Variants in DPP10 observed in about 807,000 individuals in gnomAD.
DPP10 encodes the protein dipeptidyl peptidase like 10.
A neutral mutation model predicts 120.9 loss-of-function variants in DPP10; 33 were observed. The ratio of observed to expected loss-of-function variants is 0.27; its 90% CI spans 0.21 to 0.37. DPP10 has a LOEUF of 0.37. Ranked by LOEUF, DPP10 falls within the 10% of genes least tolerant of loss-of-function variation. DPP10 has a pLI of 1.00. For synonymous variants in DPP10, 337 were observed against 326.1 expected, an observed-to-expected ratio of 1.03 and a Z score of -0.36; for missense variants, 816 against 942.8, an observed-to-expected ratio of 0.87 and a Z score of 1.76.
chr2:115,401,997 T>C (rs1489968464), intron 3 of DPP10, among the ~76,000 whole-genome samples: 1 of 152,156 alleles, frequency 6.6e-6, no homozygotes, highest in Non-Finnish European at 1.5e-5. Flanking sequence ...TCACTCTCCC[T>C]ATAGAAATCC....
intron 1 of DPP10, among the ~76,000 whole-genome samples, chr2:114,712,855 A>G (rs1451984695): frequency 1.3e-5 from 2 of 152,172 alleles, no homozygotes; most frequent in East Asian, 1.9e-4. Context: ...TTCAAATTTA[A>G]CATGCCATTT....
Position 115,724,601 on chromosome 2 carries a change from G to A in DPP10, c.577-3215G>A, listed in dbSNP as rs76861380. Among the ~76,000 whole-genome samples the A allele has an allele frequency of 1.8e-4, 27 of 152,266 alleles. 2 individuals carry two copies. In the East Asian group the frequency reaches 5.2e-3, roughly 29 times the overall value. ...TAAGACCATTGATTTTGAAAAACTG[G>A]AAGTTGACTGGCTCTGCAAATTGAA... On this transcript the variant is annotated intron_variant, in intron 7 of 25. Transcript: ENST00000410059.
chr2:114,667,717 A>G (rs955218483), intron 1 of DPP10, among the ~76,000 whole-genome samples: 1 of 152,184 alleles, frequency 6.6e-6, no homozygotes, highest in African/African-American at 2.4e-5. Context: ...ATAAGACTTC[A>G]GAAAAGAAGA....
intron 1 of DPP10, among the ~76,000 whole-genome samples, chr2:114,932,463 C>T (rs991487968): frequency 2.0e-5 from 3 of 152,016 alleles, no homozygotes; most frequent in African/African-American, 7.3e-5. Context: ...CATGGCACAA[C>T]CCTAAAAAGA....
At chr2:114,956,792 T>C (rs1698236583) in intron 1 of DPP10, among the ~76,000 whole-genome samples, 1 of 152,058 alleles carries the variant, frequency 6.6e-6, no homozygotes, top group African/African-American at 2.4e-5. Flanking sequence ...AATTAACCTG[T>C]GCATTTATGG....
At chr2:114,934,623 C>T (rs112420497) in intron 1 of DPP10, among the ~76,000 whole-genome samples, 103 of 150,158 alleles carry the variant, frequency 6.9e-4, no homozygotes, top group African/African-American at 2.4e-3. Flanking sequence ...ACTCTGTGTG[C>T]GTGTGTGTGT....
At chr2:115,099,301 A>G (rs10183796) in intron 1 of DPP10, among the ~76,000 whole-genome samples, 108,296 of 151,942 alleles carry the variant, frequency 0.71, 39,020 homozygotes, top group East Asian at 0.98. Flanking sequence ...GCGACAGAAC[A>G]AGACTCCATC....
At chr2:114,623,500 A>T (rs1694257495) in intron 1 of DPP10, among the ~76,000 whole-genome samples, 1 of 152,134 alleles carries the variant, frequency 6.6e-6, no homozygotes, top group Non-Finnish European at 1.5e-5. Flanking sequence ...TTGCAATTTG[A>T]GGGATTTTTA....
intron 1 of DPP10, among the ~76,000 whole-genome samples, chr2:114,684,194 C>G (rs1168576833): frequency 6.6e-6 from 1 of 151,884 alleles, no homozygotes; most frequent in Non-Finnish European, 1.5e-5. Flanking sequence ...CTGAGCCAGG[C>G]CCTGTGGGAA....
intron 1 of DPP10, among the ~76,000 whole-genome samples, chr2:114,861,511 G>A (rs928575116): frequency 1.3e-5 from 2 of 152,146 alleles, no homozygotes; most frequent in African/African-American, 4.8e-5. Flanking sequence ...TATTATTATA[G>A]TGGTATTTAT....
rs1258532761 is a variant in DPP10 at position 115,734,653 on chromosome 2, C to T, written c.698-5086C>T. 1.2e-4 allele frequency among the ~76,000 whole-genome samples: 4 copies of T among 34,744 alleles called. No homozygotes were observed. In the Admixed American group the frequency reaches 1.2e-3, roughly 11 times the overall value. The allele number at this position is 34,744 out of a possible 152,430, so 22.8% of individuals were successfully genotyped here. A position where few individuals can be genotyped will look rare whatever the true frequency, so the allele number is the denominator to read the frequency against. On this transcript the variant is annotated intron_variant, in intron 8 of 25. Coordinates refer to ENST00000410059, the MANE Select transcript of DPP10 (RefSeq NM_020868.6). ...CCTGGGCAACACAGTGAGACTCTGT[C>T]TTAAAAAAAAAAAAAAAAAAAAAAA...
chr2:115,619,915 AT>A (rs1286711376), intron 5 of DPP10, among the ~76,000 whole-genome samples: 3 of 152,312 alleles, frequency 2.0e-5, no homozygotes, highest in Non-Finnish European at 4.4e-5. Flanking sequence ...AATGAACCTA[AT>A]TGTGGTAATC....
intron 1 of DPP10, among the ~76,000 whole-genome samples, chr2:114,577,082 T>C (rs1037850185): frequency 1.3e-5 from 2 of 152,184 alleles, no homozygotes; most frequent in African/African-American, 4.8e-5. Context: ...CAACGAATCA[T>C]GATTTGGGAA....
intron 11 of DPP10, among the ~76,000 whole-genome samples, chr2:115,755,511 A>G (rs1179793783): frequency 1.3e-5 from 2 of 152,108 alleles, no homozygotes; most frequent in South Asian, 2.1e-4. Context: ...TACAAAATTC[A>G]ACTCAAAATG....
intron 21 of DPP10, among the ~76,000 whole-genome samples, chr2:115,820,394 T>G (rs1687686598): frequency 6.6e-6 from 1 of 152,070 alleles, no homozygotes; most frequent in Non-Finnish European, 1.5e-5. Context: ...CTTATTAGAG[T>G]TCTTGGAATT....
At chr2:115,635,578 T>G (rs543992323) in intron 5 of DPP10, among the ~76,000 whole-genome samples, 44 of 152,176 alleles carry the variant, frequency 2.9e-4, no homozygotes, top group Non-Finnish European at 5.7e-4. Context: ...GTTTAAATAA[T>G]TCTTCAAGTT....
At chr2:115,556,511 CATTTATGAATGGGCTGTGCTGAAAATTG>C (rs2080225797) in intron 5 of DPP10, among the ~76,000 whole-genome samples, 1 of 151,946 alleles carries the variant, frequency 6.6e-6, no homozygotes, top group Non-Finnish European at 1.5e-5. Context: ...GATCCCATTA[CATTTATGAATGGGCTGTGCTGAAAATTG>C]ACAGCAACAT....
chr2:114,622,074 A>G (rs568259941), intron 1 of DPP10, among the ~76,000 whole-genome samples: 1 of 152,120 alleles, frequency 6.6e-6, no homozygotes, highest in East Asian at 2.0e-4. Context: ...TAATAGACTA[A>G]TACTAACCAG....
At chr2:115,252,945 AT>A (rs749004107) in intron 1 of DPP10, among the ~76,000 whole-genome samples, 2 of 152,214 alleles carry the variant, frequency 1.3e-5, no homozygotes, top group Non-Finnish European at 1.5e-5. Context: ...GTTAATATGA[AT>A]ATACAGAATC....
Sources: allele counts gnomAD v4.1 joint callset (sites outside exome capture counted in the v4.1 genomes callset), GRCh38; gene constraint gnomAD v4.1.1; transcripts MANE v1.5; gene names NCBI Gene and HGNC (gene_info 2026-07-23, HGNC 2026-07-21).